Variants in ETS1 observed in about 807,000 individuals in gnomAD.
ETS1 encodes the protein protein C-ets-1.
ETS1 carries 15 observed loss-of-function variants against 58.6 expected under a neutral mutation model. That is an observed-to-expected ratio of 0.26 (90% CI 0.17 to 0.39). ETS1 has a LOEUF of 0.39. Among genes scored for constraint, ETS1 ranks in the 10% least tolerant of loss-of-function variants. The pLI, the probability that ETS1 is intolerant of heterozygous loss-of-function variation, is 1.00. For synonymous variants in ETS1, 214 were observed against 218.2 expected, an observed-to-expected ratio of 0.98 and a Z score of 0.17; for missense variants, 417 against 610.5, an observed-to-expected ratio of 0.68 and a Z score of 3.34.
intron 7 of ETS1, among the ~76,000 whole-genome samples, chr11:128,482,539 C>G (rs1051632648): frequency 6.6e-6 from 1 of 152,160 alleles, no homozygotes; most frequent in Non-Finnish European, 1.5e-5. Flanking sequence ...AGCAAGGGGA[C>G]TAAACCAAGC....
intron 1 of ETS1, among the ~76,000 whole-genome samples, chr11:128,585,175 AAAGAAAGAAAGAAGGAAG>A (rs1864991802): frequency 1.6e-5 from 1 of 61,160 alleles, no homozygotes; most frequent in African/African-American, 9.0e-5. Context: ...AAAGAGAAAG[AAAGAAAGAAAGAAGGAAG>A]GAAAGAAAGA....
chr11:128,502,657 C>T lies in ETS1; in HGVS notation c.215-12081G>A, dbSNP rs1565384738. On this transcript the variant is annotated intron_variant, in intron 3 of 9. Transcript: ENST00000392668. ...TTTCAGCCCCTTTTTGATGGTATCT[C>T]TATTTTCTGGAATTTCATCTTTTGC... Among the ~76,000 whole-genome samples the T allele has an allele frequency of 2.0e-5, 3 of 152,180 alleles. No individual in the cohort carries two copies. The South Asian group carries it at 6.2e-4, about 32-fold the overall frequency.
chr11:128,540,017 A>G (rs760539891), intron 3 of ETS1, among the ~76,000 whole-genome samples: 2 of 152,216 alleles, frequency 1.3e-5, no homozygotes, highest in Non-Finnish European at 2.9e-5. Context: ...TCTGTTAAGA[A>G]GAATAAAAAT....
At chr11:128,480,118 C>T (rs1862440457) in intron 8 of ETS1, 73 bp downstream of exon 8, 4 of 1,577,432 alleles carry the variant, frequency 2.5e-6, no homozygotes, top group Non-Finnish European at 3.4e-6. Flanking sequence ...GTCAGAGGTG[C>T]AGAGTGCCTT....
At chr11:128,522,755 A>G (rs922303703) in intron 3 of ETS1, among the ~76,000 whole-genome samples, 2 of 152,238 alleles carry the variant, frequency 1.3e-5, no homozygotes, top group Non-Finnish European at 2.9e-5. Flanking sequence ...AAGTGCGTGT[A>G]CATCATTCAT....
At chr11:128,469,519 A>C (rs936213126) in intron 8 of ETS1, among the ~76,000 whole-genome samples, 1 of 152,192 alleles carries the variant, frequency 6.6e-6, no homozygotes, top group African/African-American at 2.4e-5. Flanking sequence ...GTGACTCCCC[A>C]GTCCAAGCAT....
chr11:128,495,461 C>A (rs948337694), intron 3 of ETS1, among the ~76,000 whole-genome samples: 1 of 152,212 alleles, frequency 6.6e-6, no homozygotes, highest in Non-Finnish European at 1.5e-5. Flanking sequence ...ATAATCTTTT[C>A]TTTTCCTGGC....
intron 3 of ETS1, among the ~76,000 whole-genome samples, chr11:128,543,357 T>TC (rs1385012940): frequency 6.6e-6 from 1 of 152,018 alleles, no homozygotes; most frequent in African/African-American, 2.4e-5. Flanking sequence ...ATAGATTCTC[T>TC]CCCCCATCTT....
chr11:128,580,126 T>A (rs1361537139), intron 1 of ETS1, among the ~76,000 whole-genome samples: 2 of 141,278 alleles, frequency 1.4e-5, no homozygotes, highest in Non-Finnish European at 3.0e-5. Flanking sequence ...GTGTGTACAA[T>A]CCTTGTGCGT....
In ETS1 at chr11:128,460,491, G is replaced by A. The variant is rs750623611; in HGVS notation, c.*1870C>T. 1.6e-4 allele frequency: 24 copies of A among 152,338 alleles called. No individual in the cohort carries two copies. The highest frequency in any genetic ancestry group is 3.1e-4 in the Non-Finnish European group (21 of 68,020). The allele number at this position is 152,338 out of a possible 1,614,324, so 9.4% of individuals were successfully genotyped here. A position where few individuals can be genotyped will look rare whatever the true frequency, so the allele number is the denominator to read the frequency against. ...AATTTCTCATCCAAATCCCAAAAAG[G>A]GCCAGCCCTGAGAAGCTTACCTGAA... On this transcript the variant is annotated 3_prime_UTR_variant, in exon 10 of 10. Transcript: ENST00000392668.
In ETS1 at chr11:128,513,793, C is replaced by T. The variant is rs556262825; in HGVS notation, c.215-23217G>A. On this transcript the variant is annotated intron_variant, in intron 3 of 9. Coordinates refer to ENST00000392668, the MANE Select transcript of ETS1 (RefSeq NM_001143820.2). ...TTGGGCAGGGGCAGTGGCTCATGCC[C>T]GTAATCCCAACATTTTAGGAGGCCA... 5.3e-5 allele frequency among the ~76,000 whole-genome samples: 8 copies of T among 152,124 alleles called. No individual in the cohort carries two copies. The East Asian group carries it at 1.2e-3, about 22-fold the overall frequency.
At chr11:128,496,717 G>T (rs1397695679) in intron 3 of ETS1, among the ~76,000 whole-genome samples, 2 of 152,174 alleles carry the variant, frequency 1.3e-5, no homozygotes, top group Non-Finnish European at 2.9e-5. Context: ...TTCATATAAA[G>T]GCAGGGTTGA....
intron 8 of ETS1, among the ~76,000 whole-genome samples, chr11:128,467,934 C>A (rs1198407659): frequency 6.6e-6 from 1 of 152,170 alleles, no homozygotes; most frequent in Non-Finnish European, 1.5e-5. Context: ...AGCCTCCACA[C>A]CCCCTGCTGT....
At chr11:128,561,407 A>G (rs1380554976) in intron 2 of ETS1, among the ~76,000 whole-genome samples, 1 of 152,262 alleles carries the variant, frequency 6.6e-6, no homozygotes, top group Admixed American at 6.5e-5. Context: ...ACTGATCTTG[A>G]CTTTATTTAA....
At chr11:128,552,467 GT>G (rs935207402) in intron 3 of ETS1, among the ~76,000 whole-genome samples, 12 of 152,212 alleles carry the variant, frequency 7.9e-5, no homozygotes, top group African/African-American at 2.9e-4. Flanking sequence ...TGTTTCCTAT[GT>G]TCTCTAGCTC....
intron 1 of ETS1, among the ~76,000 whole-genome samples, chr11:128,579,660 A>G (rs929763294): frequency 4.6e-5 from 6 of 130,096 alleles, no homozygotes; most frequent in Admixed American, 3.0e-4. Context: ...AACTCCATTG[A>G]AAAAAAAAAA....
intron 8 of ETS1, among the ~76,000 whole-genome samples, chr11:128,467,444 T>G (rs1445628692): frequency 6.6e-6 from 1 of 152,110 alleles, no homozygotes; most frequent in Non-Finnish European, 1.5e-5. Context: ...TCTGTGTGCT[T>G]AGCGGAGGTC....
intron 2 of ETS1, chr11:128,572,397 C>G (rs1210085084): frequency 6.6e-6 from 1 of 152,002 alleles, no homozygotes; most frequent in East Asian, 1.9e-4. Context: ...TAATTAATGA[C>G]ACAGCTGCTG....
At chr11:128,512,218 GCTT>G in intron 3 of ETS1, among the ~76,000 whole-genome samples, 1 of 152,286 alleles carries the variant, frequency 6.6e-6, no homozygotes, top group East Asian at 1.9e-4. Flanking sequence ...CAATAATAAT[GCTT>G]CACTATTGGG....
Sources: allele counts gnomAD v4.1 joint callset (sites outside exome capture counted in the v4.1 genomes callset), GRCh38; gene constraint gnomAD v4.1.1; transcripts MANE v1.5; gene names NCBI Gene and HGNC (gene_info 2026-07-23, HGNC 2026-07-21).